Variants in PWWP3A observed in about 807,000 individuals in gnomAD.
The protein encoded by PWWP3A is PWWP domain-containing DNA repair factor 3A.
In PWWP3A, 53 loss-of-function variants were observed where a neutral mutation model predicts 79.0. That is an observed-to-expected ratio of 0.67 (90% CI 0.54 to 0.84). The LOEUF is 0.84. PWWP3A is among the 40% of genes least tolerant of loss of function. The pLI, the probability that PWWP3A is intolerant of heterozygous loss-of-function variation, is 0.00. For synonymous variants in PWWP3A, 443 were observed against 394.4 expected (o/e 1.12, Z -1.46); for missense variants, 973 against 948.0 (o/e 1.03, Z -0.35).
chr19:1,358,241 C>T (rs973692271), intron 3 of PWWP3A, 153 bp from the exon 4 acceptor site: 4 of 631,260 alleles, frequency 6.3e-6, no homozygotes, highest in Non-Finnish European at 1.1e-5. Context: ...TAACCTCAGG[C>T]AGATGAATTC....
At chr19:1,363,753 C>T (rs928371229) in intron 6 of PWWP3A, among the ~76,000 whole-genome samples, 5 of 152,308 alleles carry the variant, frequency 3.3e-5, no homozygotes, top group East Asian at 1.9e-4. Flanking sequence ...ACTGGGGAAA[C>T]GACGCTGTGC....
chr19:1,365,048 A>G (rs933822669), intron 7 of PWWP3A, among the ~76,000 whole-genome samples: 14 of 152,180 alleles, frequency 9.2e-5, no homozygotes, highest in Non-Finnish European at 1.9e-4. Flanking sequence ...TGAACCCGAG[A>G]GGTAGAGGTT....
intron 13 of PWWP3A, among the ~76,000 whole-genome samples, chr19:1,375,701 AAT>A (rs1600134351): frequency 1.4e-5 from 2 of 141,750 alleles, no homozygotes; most frequent in East Asian, 2.0e-4. Flanking sequence ...AAAACAATTT[AAT>A]ATATAATATA....
At chr19:1,357,275 G>C (rs2081894702) in intron 3 of PWWP3A, 181 bp downstream of exon 3, 3 of 534,310 alleles carry the variant, frequency 5.6e-6, no homozygotes, top group African/African-American at 3.8e-5. Flanking sequence ...TTTTATGTCA[G>C]TTTGGAAGCT....
chr19:1,363,484 G>A (rs1049794159), intron 6 of PWWP3A, among the ~76,000 whole-genome samples: 3 of 152,182 alleles, frequency 2.0e-5, no homozygotes, highest in Non-Finnish European at 4.4e-5. Flanking sequence ...GGATCCGTTC[G>A]CACACACGAA....
rs2144741076 is a variant in PWWP3A, at chr19:1,368,343, C to T, written c.1423-922C>T. Among the ~76,000 whole-genome samples, 2 of 152,278 alleles carry T rather than the reference C, an allele frequency of 1.3e-5. No homozygotes were observed. The highest frequency in any genetic ancestry group is 4.1e-4 in the South Asian group (2 of 4,828). ...TCAAAAACCCTGGGTTCTGAGAGCA[C>T]AGGGTGCCCGCTTCTTCTTCCTAAG... is the stretch of plus-strand genomic sequence containing the variant. On this transcript the variant is annotated intron_variant, in intron 9 of 13. Transcript: ENST00000591337. This position sits in a 1 kb window ranked among gnomAD's most constrained non-coding sequence, Gnocchi z 4.7.
At chr19:1,361,883 C>G (rs918559895) in intron 5 of PWWP3A, 1 of 217,188 alleles carries the variant, frequency 4.6e-6, no homozygotes, top group African/African-American at 2.3e-5. Flanking sequence ...CCTGTCCTGG[C>G]CCCCTCCCTG....
chr19:1,362,985 AC>A (rs1263577529), intron 6 of PWWP3A, among the ~76,000 whole-genome samples: 1 of 152,254 alleles, frequency 6.6e-6, no homozygotes, highest in Non-Finnish European at 1.5e-5. Context: ...ATTCCTCTTA[AC>A]CAAGTCTTGT....
rs144512862 is a variant in PWWP3A, at chr19:1,377,235, G to T, written c.*659G>T. ...ACTGTGTGTGAGTGGACCGCAGCGCGCAGCCACATGCCCTGGCTGCCATGG... is the reference window on the plus strand; with the variant it reads ...ACTGTGTGTGAGTGGACCGCAGCGCTCAGCCACATGCCCTGGCTGCCATGG... On this transcript the variant is annotated 3_prime_UTR_variant, in exon 14 of 14. Coordinates refer to ENST00000591337, the MANE Select transcript of PWWP3A (RefSeq NM_001369789.1). 8.4e-3 allele frequency: 1,278 copies of T among 152,650 alleles called. 5 individuals are homozygous for T. Among genetic ancestry groups the T allele is most frequent in the Non-Finnish European group, 0.012 (809 of 68,378 alleles). The allele number at this position is 152,650 out of a possible 1,614,324, so 9.5% of individuals were successfully genotyped here.
rs2082203534 is a variant in PWWP3A, at chr19:1,369,483, TCTGGC to T, written c.1499-104_1499-100del. 1.3e-6 allele frequency: 2 copies of T among 1,503,936 alleles called. No homozygotes were observed. The highest frequency in any genetic ancestry group is 1.4e-5 in the African/African-American group (1 of 72,660). 93.2% of individuals were successfully genotyped at this position (1,503,936 alleles called of 1,614,324 possible). A position where few individuals can be genotyped will look rare whatever the true frequency, so the allele number is the denominator to read the frequency against. ...GCATTCCCTGTGGGTGGGCTGGGGTTCTGGCCTGGCCTGATTATTTCCTAAACAGA... is the reference window on the plus strand; with the variant it reads ...GCATTCCCTGTGGGTGGGCTGGGGTTCTGGCCTGATTATTTCCTAAACAGA... On this transcript the variant is annotated intron_variant, in intron 10 of 13. Transcript: ENST00000591337. The surrounding 1 kb of genome is among the most constrained non-coding windows in gnomAD (Gnocchi z 4.0).
chr19:1,355,006 G>C lies in PWWP3A; in HGVS notation c.-199G>C, dbSNP rs1257782592. ...GGGAGCGGCGGCGGCGGCGGCGGCG[G>C]CGGTGGCGGAGGCGGTGAGCGCGGG... On this transcript the variant is annotated 5_prime_UTR_variant, in exon 1 of 14. Transcript: ENST00000591337. 3.3e-5 allele frequency: 5 copies of C among 149,962 alleles called. No homozygotes were observed. The Admixed American group carries it at 3.4e-4, about 10-fold the overall frequency. The allele number at this position is 149,962 out of a possible 1,614,324, so 9.3% of individuals were successfully genotyped here.
At chr19:1,359,073 CTG>C (rs1313639327) in intron 4 of PWWP3A, 7 of 231,162 alleles carry the variant, frequency 3.0e-5, no homozygotes, top group Non-Finnish European at 6.3e-5. Flanking sequence ...CCTTTGCACA[CTG>C]TGGGTGAGAA....
intron 6 of PWWP3A, 78 bp downstream of exon 6, chr19:1,362,429 C>G: frequency 9.2e-7 from 1 of 1,086,126 alleles, no homozygotes; most frequent in Non-Finnish European, 1.4e-6. Flanking sequence ...GAGACCGGGC[C>G]CCACATTCTC....
chr19:1,374,950 G>A (rs572058078), intron 13 of PWWP3A, among the ~76,000 whole-genome samples: 3 of 151,966 alleles, frequency 2.0e-5, no homozygotes, highest in African/African-American at 7.2e-5. Context: ...GCCTGGTGCG[G>A]TTGCTCACGC....
chr19:1,360,949 C>T lies in PWWP3A; in HGVS notation c.1028C>T (p.Ala343Val), dbSNP rs998151964. The T allele has an allele frequency of 2.7e-6, 4 of 1,488,902 alleles. No individual in the cohort carries two copies. The African/African-American group carries it at 4.3e-5, about 16-fold the overall frequency. 92.2% of individuals were successfully genotyped at this position (1,488,902 alleles called of 1,614,324 possible). Residue 343 changes from alanine (A) to valine (V), a missense_variant, in exon 5 of 14, where the codon GCC becomes GTC. Transcript: ENST00000591337. This position sits in a 1 kb window ranked among gnomAD's most constrained non-coding sequence, Gnocchi z 4.4. ...PRESVTPRST[A>V]RLGPPPSHAS... ...GAGTCTGTGACCCCGCGCAGCACCG[C>T]CAGGCTGGGCCCGCCTCCCTCCCAC... is the stretch of plus-strand genomic sequence containing the variant.
At chr19:1,362,478 A>G in intron 6 of PWWP3A, 127 bp downstream of exon 6, 7 of 678,044 alleles carry the variant, frequency 1.0e-5, no homozygotes, top group Non-Finnish European at 1.8e-5. Flanking sequence ...TCTCCCACTG[A>G]ACCGAGACCT....
intron 13 of PWWP3A, among the ~76,000 whole-genome samples, chr19:1,375,584 T>TA (rs71174367): frequency 2.2e-5 from 3 of 137,120 alleles, no homozygotes; most frequent in African/African-American, 8.1e-5. Flanking sequence ...ATATATAAAA[T>TA]GTATAATTTT....
chr19:1,365,576 G>A (rs2082110886), intron 7 of PWWP3A, among the ~76,000 whole-genome samples: 1 of 152,250 alleles, frequency 6.6e-6, no homozygotes, highest in Non-Finnish European at 1.5e-5. Flanking sequence ...GGTTCAACAC[G>A]TTTATGGCCT....
In PWWP3A at chr19:1,364,508, G is replaced by A; in HGVS notation, c.1214-1G>A. 6.3e-7 allele frequency: 1 copy of A among 1,589,566 alleles called. No individual in the cohort carries two copies. Among genetic ancestry groups the A allele is most frequent in the Non-Finnish European group, 8.5e-7 (1 of 1,171,460 alleles). On this transcript the variant is annotated splice_acceptor_variant, in intron 6 of 13. Transcript: ENST00000591337. LOFTEE classifies it high-confidence loss of function. ...TGTTTTTCTTTTTTCTTTAATTCTA[G>A]AACCACGTTCGTTTGAAGTAGGAAT... is the stretch of plus-strand genomic sequence containing the variant.
Sources: gnomAD v4.1 joint callset for allele counts (sites outside exome capture counted in the v4.1 genomes callset) on GRCh38, gnomAD v4.1.1 for gene constraint, Gnocchi (gnomAD v3.1) non-coding constraint, MANE v1.5 for transcripts, NCBI Gene and HGNC (gene_info 2026-07-23, HGNC 2026-07-21) for gene names.